The following ARHGEF10 variants were observed in gnomAD, a reference collection of about 807,000 sequenced individuals.
ARHGEF10 encodes the protein Rho guanine nucleotide exchange factor (GEF) 10.
Under a neutral mutation model 147.4 loss-of-function variants are expected in ARHGEF10, and 140 were observed. The observed-to-expected ratio is 0.95, with a 90% CI of 0.83 to 1.09. The LOEUF is 1.09. ARHGEF10 is among the 50% of genes least tolerant of loss of function. ARHGEF10 has a pLI of 0.00. For synonymous variants in ARHGEF10, 902 were observed against 695.8 expected (o/e 1.30, Z -4.67); for missense variants, 2,222 against 1,752.7 (o/e 1.27, Z -4.78).
At chr8:1,830,549 C>T (rs1383444148) in intron 1 of ARHGEF10, among the ~76,000 whole-genome samples, 5 of 152,194 alleles carry the variant, frequency 3.3e-5, no homozygotes, top group South Asian at 4.1e-4. Flanking sequence ...TGACAAGCAC[C>T]GGCAAATCTG....
chr8:1,928,705 G>T (rs146355653), intron 24 of ARHGEF10, 55 bp downstream of exon 24: 6 of 1,579,790 alleles, frequency 3.8e-6, no homozygotes, highest in South Asian at 2.2e-5. Flanking sequence ...CATGGAGGGC[G>T]TGGTGGGGAG....
chr8:1,838,110 G>A (rs887490278), intron 1 of ARHGEF10, among the ~76,000 whole-genome samples: 5 of 152,222 alleles, frequency 3.3e-5, no homozygotes, highest in Admixed American at 2.0e-4. Context: ...AGGTCCTGGT[G>A]CACCGTGGAA....
intron 18 of ARHGEF10, among the ~76,000 whole-genome samples, chr8:1,917,391 G>A (rs1477385088): frequency 6.6e-6 from 1 of 152,216 alleles, no homozygotes; most frequent in African/African-American, 2.4e-5. Flanking sequence ...ACATCGTGGA[G>A]GAGAGGCTTT....
chr8:1,876,247 G>A (rs3735875), intron 7 of ARHGEF10: 89,107 of 381,734 alleles, frequency 0.23, 11,419 homozygotes, highest in Admixed American at 0.36. Flanking sequence ...TTCTTCTTGT[G>A]AAGTTCTCTA....
rs559780965 is a variant in ARHGEF10, at chr8:1,855,237, A to G, written c.38-2723A>G. Among the ~76,000 whole-genome samples, 9 of 152,320 alleles carry G rather than the reference A, an allele frequency of 5.9e-5. No individual in the cohort carries two copies. In the East Asian group the frequency reaches 1.5e-3, roughly 26 times the overall value. On this transcript the variant is annotated intron_variant, in intron 2 of 28. Transcript: ENST00000349830. ...ATAGACTCATGTCTAGGTGTATTTT[A>G]TCTAATTGTTTGAGTTCAGCGGTAG...
chr8:1,835,595 C>T (rs73538755), intron 1 of ARHGEF10, among the ~76,000 whole-genome samples: 31,774 of 152,120 alleles, frequency 0.21, 3,627 homozygotes, highest in Middle Eastern at 0.32. Context: ...GCCTGTGGAA[C>T]GTCCCTGGGT....
intron 8 of ARHGEF10, among the ~76,000 whole-genome samples, chr8:1,877,440 C>G (rs1442296799): frequency 2.0e-5 from 3 of 152,218 alleles, no homozygotes; most frequent in South Asian, 2.1e-4. Flanking sequence ...GTTGGCCAGG[C>G]TAGTCTCGAA....
intron 28 of ARHGEF10, among the ~76,000 whole-genome samples, chr8:1,953,857 A>C (rs969296071): frequency 6.6e-6 from 1 of 152,156 alleles, no homozygotes; most frequent in Admixed American, 6.5e-5. Flanking sequence ...CTAACAGAGA[A>C]AACGCTTTGC....
chr8:1,892,931 G>A (rs1379862446), intron 11 of ARHGEF10, among the ~76,000 whole-genome samples: 1 of 152,028 alleles, frequency 6.6e-6, no homozygotes, highest in East Asian at 1.9e-4. Context: ...TATTGTATGT[G>A]CTTCAGTGAT....
At chr8:1,855,464 T>A (rs1431949599) in intron 2 of ARHGEF10, among the ~76,000 whole-genome samples, 4 of 152,108 alleles carry the variant, frequency 2.6e-5, no homozygotes, top group Non-Finnish European at 5.9e-5. Context: ...TCACTGCAAC[T>A]TCCGCTTACT....
At chr8:1,951,429 T>G (rs1392621420) in intron 27 of ARHGEF10, among the ~76,000 whole-genome samples, 1 of 152,206 alleles carries the variant, frequency 6.6e-6, no homozygotes, top group Non-Finnish European at 1.5e-5. Flanking sequence ...GACATGCATA[T>G]TATTGAGCTT....
intron 1 of ARHGEF10, among the ~76,000 whole-genome samples, chr8:1,839,581 AGCTGTCTGGTGTGGG>A (rs1803831651): frequency 8.8e-6 from 1 of 113,912 alleles, no homozygotes; most frequent in Non-Finnish European, 1.7e-5. Context: ...CTGGTGTGGA[AGCTGTCTGGTGTGGG>A]ACTGTCTGCT....
chr8:1,884,611 C>A (rs1196462247), intron 10 of ARHGEF10, among the ~76,000 whole-genome samples: 1 of 152,114 alleles, frequency 6.6e-6, no homozygotes, highest in Non-Finnish European at 1.5e-5. Flanking sequence ...TTTAAAGCCC[C>A]TTAGATAGAT....
Position 1,925,356 on chromosome 8 carries a change from C to G in ARHGEF10, c.2562C>G (p.Leu854=). The change falls in exon 22 of 29, where the codon CTC becomes CTG. Residue 854 remains leucine, a synonymous_variant. Transcript: ENST00000349830. ...ACATTAAAAAGGAGAAGCATCCTCT[C>G]CTCGTCGGACACATGCCCGTGATGG... ...GNHIKKEKHP[L]LVGHMPVMVA... 1.9e-6 allele frequency: 3 copies of G among 1,614,194 alleles called. No homozygotes were observed. The highest frequency in any genetic ancestry group is 2.2e-5 in the East Asian group (1 of 44,884).
chr8:1,894,889 G>C (rs1809849333), intron 13 of ARHGEF10, among the ~76,000 whole-genome samples: 1 of 152,164 alleles, frequency 6.6e-6, no homozygotes, highest in African/African-American at 2.4e-5. Flanking sequence ...TTTTGTTGTT[G>C]AACAAGGATG....
Position 1,888,957 on chromosome 8 carries a change from G to A in ARHGEF10, c.1182+3250G>A, listed in dbSNP as rs1313107062. Among the ~76,000 whole-genome samples, 2 of 116,096 alleles carry A rather than the reference G, an allele frequency of 1.7e-5. 1 individual carries two copies. Among genetic ancestry groups the A allele is most frequent in the Non-Finnish European group, 3.6e-5 (2 of 55,056 alleles). 76.2% of individuals were successfully genotyped at this position (116,096 alleles called of 152,430 possible). A position where few individuals can be genotyped will look rare whatever the true frequency, so the allele number is the denominator to read the frequency against. On this transcript the variant is annotated intron_variant, in intron 11 of 28. Transcript: ENST00000349830. ...GGTCTGTGACGAGACACTGAGTGGGGTGAGGGGTCTGCGAGGAGACACTGA... is the reference window on the plus strand; with the variant it reads ...GGTCTGTGACGAGACACTGAGTGGGATGAGGGGTCTGCGAGGAGACACTGA...
chr8:1,941,167 A>C (rs1814061407), intron 26 of ARHGEF10, among the ~76,000 whole-genome samples: 1 of 152,258 alleles, frequency 6.6e-6, no homozygotes, highest in African/African-American at 2.4e-5. Context: ...GAAAGGAAGA[A>C]GTAAAGTTGC....
chr8:1,914,819 T>G (rs141046293), intron 18 of ARHGEF10, among the ~76,000 whole-genome samples: 56 of 152,204 alleles, frequency 3.7e-4, no homozygotes, highest in Admixed American at 9.2e-4. Context: ...GACTCAAAAG[T>G]GTCATTATAA....
chr8:1,906,781 C>T (rs748343767), intron 17 of ARHGEF10, among the ~76,000 whole-genome samples: 5 of 152,332 alleles, frequency 3.3e-5, no homozygotes, highest in Admixed American at 6.5e-5. Context: ...GGGATCAAGG[C>T]GAGAACGTTC....
Sources: gnomAD v4.1 joint callset for allele counts (sites outside exome capture counted in the v4.1 genomes callset) on GRCh38, gnomAD v4.1.1 for gene constraint, MANE v1.5 for transcripts, NCBI Gene and HGNC (gene_info 2026-07-23, HGNC 2026-07-21) for gene names.